The following ADAMTSL1 variants were observed in gnomAD, a reference collection of about 807,000 sequenced individuals.
The protein encoded by ADAMTSL1 is ADAMTS like 1, also known as ADAMTS-like protein 1.
Under a neutral mutation model 201.8 loss-of-function variants are expected in ADAMTSL1, and 126 were observed. That is an observed-to-expected ratio of 0.62 (90% CI 0.54 to 0.72). ADAMTSL1 has a LOEUF of 0.72. Ranked by LOEUF, ADAMTSL1 falls within the 30% of genes least tolerant of loss-of-function variation. The pLI is 0.00. For synonymous variants in ADAMTSL1, 1,121 were observed against 903.4 expected (o/e 1.24, Z -4.32); for missense variants, 2,679 against 2,277.8 (o/e 1.18, Z -3.59).
chr9:18,563,494 G>A (rs182577677), intron 3 of ADAMTSL1, among the ~76,000 whole-genome samples: 15 of 152,192 alleles, frequency 9.9e-5, no homozygotes, highest in African/African-American at 2.4e-4. Flanking sequence ...AGGGGTTAGG[G>A]ACCCACTTCA....
intron 15 of ADAMTSL1, among the ~76,000 whole-genome samples, chr9:18,734,775 G>A (rs540693065): frequency 6.6e-6 from 1 of 152,096 alleles, no homozygotes. Context: ...CTAATCACAC[G>A]TGTGATTGAT....
At chr9:18,231,034 A>T (rs537428595) in intron 2 of ADAMTSL1, among the ~76,000 whole-genome samples, 2 of 152,170 alleles carry the variant, frequency 1.3e-5, no homozygotes, top group Non-Finnish European at 2.9e-5. Context: ...ATGCCTCCTC[A>T]TCAGCCTGGG....
chr9:18,433,598 C>G (rs1038721002), intron 2 of ADAMTSL1, among the ~76,000 whole-genome samples: 1 of 152,054 alleles, frequency 6.6e-6, no homozygotes, highest in Non-Finnish European at 1.5e-5. Flanking sequence ...TGGGCAACTA[C>G]TCAGAAAGGT....
At chr9:18,314,056 A>C (rs1377715700) in intron 2 of ADAMTSL1, among the ~76,000 whole-genome samples, 2 of 152,186 alleles carry the variant, frequency 1.3e-5, no homozygotes, top group Non-Finnish European at 2.9e-5. Context: ...GACAACGTAA[A>C]AACGCCAACA....
intron 2 of ADAMTSL1, among the ~76,000 whole-genome samples, chr9:18,187,018 T>A (rs905176509): frequency 3.9e-5 from 6 of 152,176 alleles, no homozygotes; most frequent in African/African-American, 1.4e-4. Flanking sequence ...AGTGGAAAGA[T>A]AGCACTAGTG....
intron 2 of ADAMTSL1, among the ~76,000 whole-genome samples, chr9:18,374,326 T>C (rs1207703000): frequency 6.6e-6 from 1 of 151,464 alleles, no homozygotes; most frequent in Non-Finnish European, 1.5e-5. Flanking sequence ...ATTTATTTAA[T>C]TTTTTTTAAT....
intron 23 of ADAMTSL1, among the ~76,000 whole-genome samples, chr9:18,854,203 A>G (rs962058092): frequency 6.6e-6 from 1 of 152,124 alleles, no homozygotes; most frequent in African/African-American, 2.4e-5. Flanking sequence ...CTTCTAGACA[A>G]GAGTTTTGAA....
Position 18,280,404 on chromosome 9 carries a change from CAA to C in ADAMTSL1, c.207+116437_207+116438del, listed in dbSNP as rs35683008. On this transcript the variant is annotated intron_variant, in intron 2 of 29. Transcript: ENST00000680146. Reference sequence around the variant, plus strand: ...AATTTTAATCAGCTTGTTTATCTCTCAAAAAAAAAAAAAAAGCAACTTTCTTT... The same window carrying C: ...AATTTTAATCAGCTTGTTTATCTCTCAAAAAAAAAAAAAGCAACTTTCTTT... 6.5e-3 allele frequency among the ~76,000 whole-genome samples: 855 copies of C among 131,852 alleles called. 3 individuals carry two copies. The highest frequency in any genetic ancestry group is 0.017 in the African/African-American group (601 of 34,534). The allele number at this position is 131,852 out of a possible 152,430, so 86.5% of individuals were successfully genotyped here. A position where few individuals can be genotyped will look rare whatever the true frequency, so the allele number is the denominator to read the frequency against.
intron 1 of ADAMTSL1, among the ~76,000 whole-genome samples, chr9:18,108,446 C>T (rs940466165): frequency 3.9e-5 from 6 of 152,094 alleles, no homozygotes; most frequent in South Asian, 4.2e-4. Flanking sequence ...GACATCCTCC[C>T]GCCTTGGCCT....
chr9:18,474,023 T>TTGGC, upstream of ADAMTSL1: 1 of 515,310 alleles, frequency 1.9e-6, no homozygotes, highest in East Asian at 3.2e-5. Context: ...AGGAGCCTGA[T>TTGGC]TGGCTGGCTG....
intron 3 of ADAMTSL1, among the ~76,000 whole-genome samples, chr9:18,567,410 G>A (rs946699736): frequency 7.2e-5 from 11 of 152,132 alleles, no homozygotes; most frequent in Non-Finnish European, 7.4e-5. Flanking sequence ...AAGTTGCAGC[G>A]AGCCGAGATC....
chr9:18,049,608 G>T (rs752006582), intron 1 of ADAMTSL1, among the ~76,000 whole-genome samples: 5 of 150,152 alleles, frequency 3.3e-5, no homozygotes, highest in South Asian at 2.1e-4. Context: ...TCCTGTCTTC[G>T]ACTTCTTATT....
intron 2 of ADAMTSL1, among the ~76,000 whole-genome samples, chr9:18,518,464 C>T (rs1355808485): frequency 6.6e-6 from 1 of 152,140 alleles, no homozygotes; most frequent in Non-Finnish European, 1.5e-5. Flanking sequence ...ATCCATGTTG[C>T]CGTAAAGGAC....
chr9:18,178,339 CAGG>C (rs1037710621), intron 2 of ADAMTSL1, among the ~76,000 whole-genome samples: 12 of 152,212 alleles, frequency 7.9e-5, no homozygotes, highest in African/African-American at 2.7e-4. Context: ...AACGGCGCAC[CAGG>C]AGATTATATC....
In ADAMTSL1 at chr9:18,770,926, G is replaced by C. The variant is rs140943959; in HGVS notation, c.2397+145G>C. On this transcript the variant is annotated intron_variant, in intron 17 of 28. Coordinates refer to ENST00000380548, the MANE Select transcript of ADAMTSL1 (RefSeq NM_001040272.6). ...TATTTTTGTAACCATATATACCGTA[G>C]TGTGTAACTAGCTTTTAACGAGGCT... The C allele has an allele frequency of 1.6e-4, 140 of 885,580 alleles. No individual in the cohort carries two copies. The African/African-American group carries it at 1.8e-3, about 11-fold the overall frequency. 54.9% of individuals were successfully genotyped at this position (885,580 alleles called of 1,614,324 possible).
chr9:18,506,190 C>T (rs1342174606), intron 2 of ADAMTSL1, among the ~76,000 whole-genome samples: 4 of 152,312 alleles, frequency 2.6e-5, no homozygotes, highest in Non-Finnish European at 1.5e-5. Context: ...GAACCTTGAG[C>T]TGATAAGAAA....
intron 3 of ADAMTSL1, among the ~76,000 whole-genome samples, chr9:18,543,159 C>T (rs926562899): frequency 9.2e-5 from 14 of 152,178 alleles, no homozygotes; most frequent in African/African-American, 3.1e-4. Context: ...CAGTATCCAC[C>T]AAAAGAAGTC....
chr9:18,039,627 C>A (rs1821351831), intron 1 of ADAMTSL1, among the ~76,000 whole-genome samples: 1 of 152,064 alleles, frequency 6.6e-6, no homozygotes, highest in Admixed American at 6.6e-5. Context: ...AAGCCTATTA[C>A]TGGTGGAAAT....
chr9:18,795,214 A>C (rs1822333709), intron 19 of ADAMTSL1, among the ~76,000 whole-genome samples, 183 bp from the exon 20 acceptor site: 1 of 152,224 alleles, frequency 6.6e-6, no homozygotes, highest in Admixed American at 6.5e-5. Flanking sequence ...TCACTACCAC[A>C]GTCACATTAA....
Sources: gnomAD v4.1 joint callset for allele counts (sites outside exome capture counted in the v4.1 genomes callset) on GRCh38, gnomAD v4.1.1 for gene constraint, MANE v1.5 for transcripts, NCBI Gene and HGNC (gene_info 2026-07-23, HGNC 2026-07-21) for gene names.